The following SMG9 variants were observed in gnomAD, a reference collection of about 807,000 sequenced individuals.
SMG9 encodes the protein SMG9 nonsense mediated mRNA decay factor.
SMG9 carries 55 observed loss-of-function variants against 64.0 expected under a neutral mutation model. The ratio of observed to expected loss-of-function variants is 0.86; its 90% confidence interval spans 0.69 to 1.08. SMG9 has a LOEUF of 1.08. SMG9 is among the 50% of genes least tolerant of loss of function. The probability of loss-of-function intolerance (pLI) is 0.00; values close to 1 mark genes in which losing one functional copy is unlikely to be tolerated. For missense variants in SMG9, 554 were observed against 681.3 expected, an observed-to-expected ratio of 0.81 and a Z score of 2.08; for synonymous variants, 244 against 254.8, an observed-to-expected ratio of 0.96 and a Z score of 0.41.
At chr19:43,736,354 C>T (rs926247029) in intron 9 of SMG9, among the ~76,000 whole-genome samples, 1 of 152,202 alleles carries the variant, frequency 6.6e-6, no homozygotes, top group East Asian at 1.9e-4. Flanking sequence ...CATTTCTCCC[C>T]TCCCTATAAG....
At chr19:43,737,958 C>T in intron 8 of SMG9, 164 bp downstream of exon 8, 1 of 716,104 alleles carries the variant, frequency 1.4e-6, no homozygotes, top group East Asian at 2.7e-5. Context: ...GGAGTTGAGC[C>T]AGTCCTGACT....
rs1285652791 is a variant in SMG9 at position 43,728,923 on chromosome 19, A to G, written c.*2673T>C. ...AATGATGAAGGGACTGGAGAGCCACAAGCAGCAGGCATTCCTGGTGGCCAG... is the reference window on the plus strand; with the variant it reads ...AATGATGAAGGGACTGGAGAGCCACGAGCAGCAGGCATTCCTGGTGGCCAG... On this transcript the variant is annotated 3_prime_UTR_variant, in exon 14 of 14. Coordinates refer to ENST00000270066, the MANE Select transcript of SMG9 (RefSeq NM_019108.4). 5 of 931,450 alleles carry G rather than the reference A, an allele frequency of 5.4e-6. No individual in the cohort carries two copies. Among genetic ancestry groups the G allele is most frequent in the Non-Finnish European group, 6.4e-6 (5 of 780,836 alleles). 57.7% of individuals were successfully genotyped at this position (931,450 alleles called of 1,614,324 possible). A position where few individuals can be genotyped will look rare whatever the true frequency, so the allele number is the denominator to read the frequency against.
Position 43,733,314 on chromosome 19 carries a change from G to T in SMG9, c.1339+10C>A. Reference sequence around the variant, plus strand: ...TTGTCTCTCCATGAACCTGTTGAGGGTAACTGTACCTGCTCTTGGTGGGTT... The same window carrying T: ...TTGTCTCTCCATGAACCTGTTGAGGTTAACTGTACCTGCTCTTGGTGGGTT... On this transcript the variant is annotated intron_variant, in intron 12 of 13. Transcript: ENST00000270066. The T allele has an allele frequency of 6.2e-7, 1 of 1,613,674 alleles. No individual in the cohort carries two copies. The highest frequency in any genetic ancestry group is 2.2e-5 in the East Asian group (1 of 44,880).
In SMG9 at chr19:43,744,426, C is replaced by T. The variant is rs565572226; in HGVS notation, c.701+346G>A. 7.9e-5 allele frequency among the ~76,000 whole-genome samples: 12 copies of T among 152,300 alleles called. No homozygotes were observed. The East Asian group carries it at 9.6e-4, about 12-fold the overall frequency. On this transcript the variant is annotated intron_variant, in intron 6 of 13. Transcript: ENST00000270066. ...ACAGGGGATACGGGAAATGAAGTGACCTGCCCAAGGTCAACCAGTTATGTT... is the reference window on the plus strand; with the variant it reads ...ACAGGGGATACGGGAAATGAAGTGATCTGCCCAAGGTCAACCAGTTATGTT...
intron 5 of SMG9, among the ~76,000 whole-genome samples, chr19:43,746,712 G>A (rs1360649242): frequency 6.6e-6 from 1 of 151,582 alleles, no homozygotes; most frequent in Non-Finnish European, 1.5e-5. Context: ...TGATGATCTA[G>A]GAATGTGAGG....
In SMG9 at chr19:43,748,105, T is replaced by C. The variant is rs1455400998; in HGVS notation, c.151-53A>G. ...GAATGGCTCTCCTGGACATTCCAGATCTTTATGTACCATGAACTATTCTAA... is the reference window on the plus strand; with the variant it reads ...GAATGGCTCTCCTGGACATTCCAGACCTTTATGTACCATGAACTATTCTAA... On this transcript the variant is annotated intron_variant, in intron 2 of 13. Transcript: ENST00000270066. 3 of 1,555,856 alleles carry C rather than the reference T, an allele frequency of 1.9e-6. No individual in the cohort carries two copies. In the African/African-American group the frequency reaches 4.1e-5, roughly 21 times the overall value.
intron 6 of SMG9, among the ~76,000 whole-genome samples, chr19:43,741,470 CCTGGAGAAGCTG>C (rs988597886): frequency 1.2e-4 from 19 of 152,126 alleles, no homozygotes; most frequent in African/African-American, 4.1e-4. Context: ...GGCCTATGAG[CCTGGAGAAGCTG>C]CTGGAGAGAT....
intron 5 of SMG9, among the ~76,000 whole-genome samples, chr19:43,747,127 T>G (rs1002763101): frequency 6.6e-6 from 1 of 152,076 alleles, no homozygotes; most frequent in African/African-American, 2.4e-5. Context: ...TTCAACCAAA[T>G]AAGAAGGGTA....
In SMG9 at chr19:43,747,479, A is replaced by G. The variant is rs749498958; in HGVS notation, c.551T>C (p.Val184Ala). The change falls in exon 5 of 14, where the codon GTG (valine) becomes GCG (alanine). Residue 184 changes from valine to alanine, a missense_variant. Transcript: ENST00000270066. ...GTCACACCAATTCATCTGGTCATCC[A>G]CCAACTTGATGCTGTGCTTCATGCG... ...PERMKHSIKL[V>A]DDQMNWCDSA... 115 of 1,613,968 alleles carry G rather than the reference A, an allele frequency of 7.1e-5. No individual in the cohort carries two copies. Among genetic ancestry groups the G allele is most frequent in the Non-Finnish European group, 2.3e-5 (27 of 1,180,042 alleles).
In SMG9 at chr19:43,731,352, C is replaced by T. The variant is rs1394526745; in HGVS notation, c.*244G>A. The T allele has an allele frequency of 7.6e-7, 1 of 1,323,410 alleles. No homozygotes were observed. The highest frequency in any genetic ancestry group is 1.5e-5 in the African/African-American group (1 of 66,430). 82.0% of individuals were successfully genotyped at this position (1,323,410 alleles called of 1,614,324 possible). Reference sequence around the variant, plus strand: ...TCCCACTGCTTGTCCCTGTGGAGGACACAGGACGGGCTACCCCATCTCAGG... The same window carrying T: ...TCCCACTGCTTGTCCCTGTGGAGGATACAGGACGGGCTACCCCATCTCAGG... On this transcript the variant is annotated 3_prime_UTR_variant, in exon 14 of 14. Transcript: ENST00000270066.
chr19:43,752,127 T>G (rs1352141612), intron 1 of SMG9, among the ~76,000 whole-genome samples: 2 of 152,224 alleles, frequency 1.3e-5, no homozygotes, highest in African/African-American at 4.8e-5. Flanking sequence ...GGGCCTATTT[T>G]CACCTGGTAT....
Position 43,739,682 on chromosome 19 carries a change from G to A in SMG9, c.813+425C>T, listed in dbSNP as rs77226715. ...GAGCCTGAGCACTAACCTTGTGCCA[G>A]GTCCTGGCCAAGCACTTTGCCTGGA... On this transcript the variant is annotated intron_variant, in intron 7 of 13. Transcript: ENST00000270066. 6.9e-3 allele frequency: 1,264 copies of A among 183,198 alleles called. 10 individuals are homozygous for A. The highest frequency in any genetic ancestry group is 0.012 in the Non-Finnish European group (1,006 of 86,010). The allele number at this position is 183,198 out of a possible 1,614,324, so 11.3% of individuals were successfully genotyped here.
At position 43,728,959 on chromosome 19, in the gene SMG9, C is replaced by T; in HGVS notation, c.*2637G>A. The T allele has an allele frequency of 2.0e-6, 2 of 985,378 alleles. No individual in the cohort carries two copies. The highest frequency in any genetic ancestry group is 2.4e-6 in the Non-Finnish European group (2 of 829,838). The allele number at this position is 985,378 out of a possible 1,614,324, so 61.0% of individuals were successfully genotyped here. ...ATTCCTGGTGGCCAGGCCCATCTTGCAGCCCATCCTAGAGCAGAAGGCCTC... is the reference window on the plus strand; with the variant it reads ...ATTCCTGGTGGCCAGGCCCATCTTGTAGCCCATCCTAGAGCAGAAGGCCTC... On this transcript the variant is annotated 3_prime_UTR_variant, in exon 14 of 14. Transcript: ENST00000270066.
In SMG9 at chr19:43,731,093, T is replaced by G; in HGVS notation, c.*503A>C. On this transcript the variant is annotated 3_prime_UTR_variant, in exon 14 of 14. Transcript: ENST00000270066. The stretch of plus-strand genomic sequence containing the variant: ...CTGCCCGCAAGGGCTGGGTGTCCAA[T>G]TTGTCCTGCTTCCCAGAGCTGCATG... 3.0e-6 allele frequency: 3 copies of G among 985,506 alleles called. No homozygotes were observed. Among genetic ancestry groups the G allele is most frequent in the Non-Finnish European group, 3.6e-6 (3 of 829,876 alleles). The allele number at this position is 985,506 out of a possible 1,614,324, so 61.0% of individuals were successfully genotyped here.
chr19:43,744,835 T>G lies in SMG9; in HGVS notation c.638A>C (p.Gln213Pro). The change falls in exon 6 of 14, where the codon CAG becomes CCG. Residue 213 changes from glutamine to proline, a missense_variant. Physicochemically the swap from Gln to Pro is moderately conservative, Grantham distance 76. Coordinates refer to ENST00000270066, the MANE Select transcript of SMG9 (RefSeq NM_019108.4). The part of the protein sequence containing the change: ...DVLVVGVLGL[Q>P]GTGKSMVMSL... ...CATGACCATGGACTTGCCTGTCCCC[T>G]GGAGGCCCAGGACACCAACCACCAA... 1 of 1,613,976 alleles carries G rather than the reference T, an allele frequency of 6.2e-7. No individual in the cohort carries two copies. The highest frequency in any genetic ancestry group is 8.5e-7 in the Non-Finnish European group (1 of 1,179,908).
chr19:43,745,746 A>T (rs560220792), intron 5 of SMG9, among the ~76,000 whole-genome samples: 144 of 152,242 alleles, frequency 9.5e-4, no homozygotes, highest in African/African-American at 3.3e-3. Flanking sequence ...TCACACCTTT[A>T]ATCCCAGCAC....
In SMG9 at chr19:43,737,579, A is replaced by C. The variant is rs1441511481; in HGVS notation, c.995+18T>G. ...GCCTCATTCCTCCTCCCCACCCTCC[A>C]ACCCCTCAGCTCCTCACCTGTAGAG... On this transcript the variant is annotated intron_variant, in intron 9 of 13. Transcript: ENST00000270066. 1.9e-6 allele frequency: 3 copies of C among 1,608,896 alleles called. No individual in the cohort carries two copies. The African/African-American group carries it at 4.0e-5, about 21-fold the overall frequency.
chr19:43,732,709 G>T, intron 13 of SMG9, 149 bp downstream of exon 13: 5 of 896,402 alleles, frequency 5.6e-6, no homozygotes, highest in Non-Finnish European at 8.5e-6. Flanking sequence ...ATGCTTACAA[G>T]ACAGTAGCAA....
chr19:43,731,356 G>A lies in SMG9; in HGVS notation c.*240C>T. 7.5e-7 allele frequency: 1 copy of A among 1,338,978 alleles called. No homozygotes were observed. The highest frequency in any genetic ancestry group is 1.8e-5 in the South Asian group (1 of 56,830). 82.9% of individuals were successfully genotyped at this position (1,338,978 alleles called of 1,614,324 possible). ...ACTGCTTGTCCCTGTGGAGGACACAGGACGGGCTACCCCATCTCAGGTTTG... is the reference window on the plus strand; with the variant it reads ...ACTGCTTGTCCCTGTGGAGGACACAAGACGGGCTACCCCATCTCAGGTTTG... On this transcript the variant is annotated 3_prime_UTR_variant, in exon 14 of 14. Coordinates refer to ENST00000270066, the MANE Select transcript of SMG9 (RefSeq NM_019108.4).
Sources: allele counts gnomAD v4.1 joint callset (sites outside exome capture counted in the v4.1 genomes callset), GRCh38; gene constraint gnomAD v4.1.1; transcripts MANE v1.5; gene names NCBI Gene and HGNC (gene_info 2026-07-23, HGNC 2026-07-21).